The following CD53 variants were observed in gnomAD, a reference collection of about 807,000 sequenced individuals.
CD53 encodes the protein CD53 molecule.
CD53 carries 20 observed loss-of-function variants against 27.3 expected under a neutral mutation model. The ratio of observed to expected loss-of-function variants is 0.73; its 90% confidence interval spans 0.52 to 1.07. The LOEUF is 1.07. CD53 is among the 50% of genes least tolerant of loss of function. The probability of loss-of-function intolerance (pLI) is 0.00; values close to 1 mark genes in which losing one functional copy is unlikely to be tolerated. For missense variants in CD53, 216 were observed against 264.0 expected (o/e 0.82, Z 1.26); for synonymous variants, 106 against 105.3 (o/e 1.01, Z -0.04).
intron 6 of CD53, 80 bp downstream of exon 6, chr1:110,896,813 A>G: frequency 8.4e-7 from 1 of 1,183,728 alleles, no homozygotes. Context: ...GTCATAGAGG[A>G]CCTAGACCTT....
chr1:110,886,869 A>ATATTTTTTT (rs1298376721), intron 1 of CD53, among the ~76,000 whole-genome samples: 30 of 82,780 alleles, frequency 3.6e-4, no homozygotes, highest in Admixed American at 9.7e-4. Flanking sequence ...ATATATATAT[A>ATATTTTTTT]TTTTTTTTTT....
chr1:110,885,050 T>A (rs1053881096), intron 1 of CD53, among the ~76,000 whole-genome samples: 5 of 152,312 alleles, frequency 3.3e-5, no homozygotes, highest in African/African-American at 1.2e-4. Context: ...TTTCTCTTTT[T>A]CTGGCTTCTT....
At chr1:110,887,944 T>A (rs569508497) in intron 1 of CD53, among the ~76,000 whole-genome samples, 57 of 152,154 alleles carry the variant, frequency 3.7e-4, no homozygotes, top group African/African-American at 1.3e-3. Context: ...CGAAATGGGG[T>A]GATTATCCTG....
chr1:110,872,154 C>T (rs1181440811), upstream of CD53, among the ~76,000 whole-genome samples: 1 of 152,172 alleles, frequency 6.6e-6, no homozygotes, highest in Non-Finnish European at 1.5e-5. Context: ...TCATAGTTAG[C>T]TAGTGATACA....
In CD53 at chr1:110,895,026, A is replaced by C. The variant is rs764785458; in HGVS notation, c.394A>C (p.Lys132Gln). 19 of 1,613,780 alleles carry C rather than the reference A, an allele frequency of 1.2e-5. No homozygotes were observed. Among genetic ancestry groups the C allele is most frequent in the Non-Finnish European group, 1.5e-5 (18 of 1,179,788 alleles). The change falls in exon 5 of 8, where the codon AAG (lysine) becomes CAG (glutamine). Residue 132 changes from lysine (K) to glutamine (Q), a missense_variant. Lys to Gln is a moderately conservative substitution (Grantham distance 53, BLOSUM62 1). Coordinates refer to ENST00000271324, the MANE Select transcript of CD53 (RefSeq NM_000560.4). ...CCGTTACCACTCAGACAATAGCACC[A>C]AGGCAGCGTGGGACTCCATCCAGTC... is the stretch of plus-strand genomic sequence containing the variant. ...IHRYHSDNST[K>Q]AAWDSIQSFL...
In CD53 at chr1:110,887,046, G is replaced by A. The variant is rs191867658; in HGVS notation, c.-17-4346G>A. On this transcript the variant is annotated intron_variant, in intron 1 of 7. Coordinates refer to ENST00000271324, the MANE Select transcript of CD53 (RefSeq NM_000560.4). ...ATTTGAGTCTTTTTATACTTTCCATGTCTCTATTTATGTTTATTTTATTTT... is the reference window on the plus strand; with the variant it reads ...ATTTGAGTCTTTTTATACTTTCCATATCTCTATTTATGTTTATTTTATTTT... Among the ~76,000 whole-genome samples, 73 of 105,290 alleles carry A rather than the reference G, an allele frequency of 6.9e-4. 1 individual carries two copies. In the East Asian group the frequency reaches 0.013, roughly 18 times the overall value. 69.1% of individuals were successfully genotyped at this position (105,290 alleles called of 152,430 possible).
At chr1:110,877,159 A>G (rs1436859669) in intron 1 of CD53, among the ~76,000 whole-genome samples, 1 of 152,196 alleles carries the variant, frequency 6.6e-6, no homozygotes, top group Non-Finnish European at 1.5e-5. Flanking sequence ...TTAGTCTGGA[A>G]CACTTCCTGA....
In CD53 at chr1:110,895,073, C is replaced by T. The variant is rs756398741; in HGVS notation, c.423+18C>T. On this transcript the variant is annotated intron_variant, in intron 5 of 7. Coordinates refer to ENST00000271324, the MANE Select transcript of CD53 (RefSeq NM_000560.4). Reference sequence around the variant, plus strand: ...AGTCATTTGTGAGTACAGGTGGAATCCTCTTCAGATCAGCCCAGACTTCAT... The same window carrying T: ...AGTCATTTGTGAGTACAGGTGGAATTCTCTTCAGATCAGCCCAGACTTCAT... 3 of 1,559,710 alleles carry T rather than the reference C, an allele frequency of 1.9e-6. No individual in the cohort carries two copies. The South Asian group carries it at 3.3e-5, about 17-fold the overall frequency.
intron 7 of CD53, 109 bp downstream of exon 7, chr1:110,898,001 T>C (rs1177044462): frequency 1.8e-6 from 1 of 559,908 alleles, no homozygotes; most frequent in Non-Finnish European, 3.1e-6. Flanking sequence ...TTAGCTATTT[T>C]TACTAATATA....
chr1:110,888,286 T>C (rs1656709773), intron 1 of CD53, among the ~76,000 whole-genome samples: 1 of 152,240 alleles, frequency 6.6e-6, no homozygotes, highest in South Asian at 2.1e-4. Flanking sequence ...CCGCTGCGAA[T>C]CTCTGGGGTT....
intron 1 of CD53, among the ~76,000 whole-genome samples, chr1:110,878,724 A>T (rs1156353162): frequency 6.6e-6 from 1 of 152,230 alleles, no homozygotes; most frequent in East Asian, 1.9e-4. Context: ...ATTCACTGAA[A>T]GAAAACAATT....
At chr1:110,889,198 C>T (rs1360691454) in intron 1 of CD53, among the ~76,000 whole-genome samples, 1 of 152,004 alleles carries the variant, frequency 6.6e-6, no homozygotes, top group Non-Finnish European at 1.5e-5. Flanking sequence ...CAGTGTGATA[C>T]TGATAAAGGG....
At chr1:110,889,382 C>A (rs1311693382) in intron 1 of CD53, among the ~76,000 whole-genome samples, 2 of 151,676 alleles carry the variant, frequency 1.3e-5, no homozygotes, top group Non-Finnish European at 2.9e-5. Context: ...TGGTGAAACC[C>A]CGTCTCTACT....
chr1:110,875,326 G>A (rs1439346481), intron 1 of CD53, among the ~76,000 whole-genome samples: 1 of 152,174 alleles, frequency 6.6e-6, no homozygotes, highest in Non-Finnish European at 1.5e-5. Context: ...TCACCAGGCA[G>A]GTCCTAGGTC....
At position 110,896,655 on chromosome 1, in the gene CD53, G is replaced by T. The variant is rs759482887; in HGVS notation, c.426G>T (p.Leu142=). 2.5e-6 allele frequency: 4 copies of T among 1,612,038 alleles called. No individual in the cohort carries two copies. Among genetic ancestry groups the T allele is most frequent in the South Asian group, 1.1e-5 (1 of 90,756 alleles). The change falls in exon 6 of 8, where the codon CTG becomes CTT. Residue 142 remains leucine, a splice_region_variant and synonymous_variant. Coordinates refer to ENST00000271324, the MANE Select transcript of CD53 (RefSeq NM_000560.4). ...KAAWDSIQSF[L]QCCGINGTSD... ...CATTTTGGGGGTTTGGCTTTTAGCTGCAGTGTTGTGGTATAAATGGCACGA... is the reference window on the plus strand; with the variant it reads ...CATTTTGGGGGTTTGGCTTTTAGCTTCAGTGTTGTGGTATAAATGGCACGA...
intron 1 of CD53, among the ~76,000 whole-genome samples, chr1:110,879,408 A>G (rs141130091): frequency 9.8e-5 from 15 of 152,360 alleles, no homozygotes; most frequent in Non-Finnish European, 2.2e-4. Flanking sequence ...TTCCAAAGCT[A>G]GTGTTTATCA....
chr1:110,879,510 G>C (rs905708971), intron 1 of CD53, among the ~76,000 whole-genome samples: 1 of 143,258 alleles, frequency 7.0e-6, no homozygotes, highest in East Asian at 2.1e-4. Flanking sequence ...ACATATTTTT[G>C]TCTTAGAGAC....
At position 110,899,470 on chromosome 1, in the gene CD53, AAACTGGATTTAATGGCCC is replaced by A. The variant is rs1437548187; in HGVS notation, c.*279_*296del. On this transcript the variant is annotated 3_prime_UTR_variant, in exon 8 of 8. Transcript: ENST00000271324. Reference sequence around the variant, plus strand: ...TCTTTTAGACAAGAGAGGCAAAGACAAACTGGATTTAATGGCCCAACATCAAAGGGTGAACCCAGGATA... The same window carrying A: ...TCTTTTAGACAAGAGAGGCAAAGACAAACATCAAAGGGTGAACCCAGGATA... The A allele has an allele frequency of 1.9e-5, 6 of 322,520 alleles. No individual in the cohort carries two copies. Among genetic ancestry groups the A allele is most frequent in the Non-Finnish European group, 2.3e-5 (4 of 171,430 alleles). The allele number at this position is 322,520 out of a possible 1,614,324, so 20.0% of individuals were successfully genotyped here. A position where few individuals can be genotyped will look rare whatever the true frequency, so the allele number is the denominator to read the frequency against.
At chr1:110,879,389 C>T (rs943514439) in intron 1 of CD53, among the ~76,000 whole-genome samples, 12 of 152,302 alleles carry the variant, frequency 7.9e-5, no homozygotes, top group African/African-American at 2.9e-4. Flanking sequence ...CAAAACTAGA[C>T]CTGTCTGATT....
Sources: gnomAD v4.1 joint callset for allele counts (sites outside exome capture counted in the v4.1 genomes callset) on GRCh38, gnomAD v4.1.1 for gene constraint, MANE v1.5 for transcripts, NCBI Gene and HGNC (gene_info 2026-07-23, HGNC 2026-07-21) for gene names.